ROR1: variants seen among roughly 807,000 people sequenced by gnomAD.
The protein encoded by ROR1 is inactive tyrosine-protein kinase transmembrane receptor ROR1.
Under a neutral mutation model 78.8 loss-of-function variants are expected in ROR1, and 19 were observed. That is an observed-to-expected ratio of 0.24 (90% CI 0.17 to 0.35). The LOEUF is 0.35. Among genes scored for constraint, ROR1 ranks in the 10% least tolerant of loss-of-function variants. ROR1 has a pLI of 1.00. For synonymous variants in ROR1, 386 were observed against 433.6 expected (o/e 0.89, Z 1.36); for missense variants, 917 against 1,177.8 (o/e 0.78, Z 3.24).
intron 4 of ROR1, among the ~76,000 whole-genome samples, chr1:64,096,147 T>C (rs938208539): frequency 6.6e-6 from 1 of 152,170 alleles, no homozygotes; most frequent in African/African-American, 2.4e-5. Flanking sequence ...TACCATCTGA[T>C]TTGGTTTCTG....
intron 1 of ROR1, among the ~76,000 whole-genome samples, chr1:63,911,305 G>A (rs945913302): frequency 2.0e-5 from 3 of 152,062 alleles, no homozygotes; most frequent in Admixed American, 1.3e-4. Context: ...TGTTGTTCTG[G>A]GCATTAGAAT....
intron 5 of ROR1, 56 bp from the exon 6 acceptor site, chr1:64,140,053 A>G (rs1649251040): frequency 6.6e-7 from 1 of 1,520,490 alleles, no homozygotes; most frequent in Non-Finnish European, 9.0e-7. Context: ...TTGACTAGAT[A>G]ACCAAAGAAG....
chr1:63,893,183 G>GCACAGTGT (rs1482923346), intron 1 of ROR1, among the ~76,000 whole-genome samples: 5 of 152,114 alleles, frequency 3.3e-5, no homozygotes, highest in African/African-American at 9.7e-5. Context: ...CATCTTCTGG[G>GCACAGTGT]CACAGTGTCA....
chr1:63,833,254 C>T (rs949354800), intron 1 of ROR1, among the ~76,000 whole-genome samples: 1 of 152,174 alleles, frequency 6.6e-6, no homozygotes, highest in Non-Finnish European at 1.5e-5. Flanking sequence ...TCCCTAGTTA[C>T]AATGTTTAGC....
At chr1:64,070,378 G>T (rs1210034091) in intron 4 of ROR1, among the ~76,000 whole-genome samples, 2 of 152,128 alleles carry the variant, frequency 1.3e-5, no homozygotes, top group African/African-American at 2.4e-5. Flanking sequence ...ACCTAGGCTG[G>T]AGTGCAGTGG....
intron 4 of ROR1, among the ~76,000 whole-genome samples, chr1:64,081,756 G>A (rs1287237877): frequency 1.2e-4 from 13 of 109,730 alleles, no homozygotes; most frequent in African/African-American, 3.6e-4. Flanking sequence ...AGGTGACAGC[G>A]CGAGACACTG....
intron 8 of ROR1, among the ~76,000 whole-genome samples, chr1:64,176,329 T>C (rs1242936806): frequency 6.6e-6 from 1 of 152,180 alleles, no homozygotes; most frequent in East Asian, 1.9e-4. Context: ...TTGATAATAA[T>C]AACAAAAAGT....
chr1:63,894,188 G>A (rs1263406007), intron 1 of ROR1, among the ~76,000 whole-genome samples: 1 of 152,100 alleles, frequency 6.6e-6, no homozygotes, highest in Non-Finnish European at 1.5e-5. Flanking sequence ...GCTGGACAAA[G>A]GGGTGACTCA....
At chr1:63,812,750 A>T (rs1187072983) in intron 1 of ROR1, among the ~76,000 whole-genome samples, 1 of 152,182 alleles carries the variant, frequency 6.6e-6, no homozygotes, top group African/African-American at 2.4e-5. Flanking sequence ...GAAGCTTTGT[A>T]TGTGTTGAGC....
intron 4 of ROR1, among the ~76,000 whole-genome samples, chr1:64,132,119 T>A (rs1648932105): frequency 6.6e-6 from 1 of 152,222 alleles, no homozygotes; most frequent in Admixed American, 6.5e-5. Flanking sequence ...AAGACTTACC[T>A]ATTTTAAATA....
chr1:64,117,847 T>C (rs1223903989), intron 4 of ROR1, among the ~76,000 whole-genome samples: 1 of 152,166 alleles, frequency 6.6e-6, no homozygotes, highest in Non-Finnish European at 1.5e-5. Flanking sequence ...GTCACAAACA[T>C]GATCACCATC....
intron 1 of ROR1, among the ~76,000 whole-genome samples, chr1:63,844,491 C>G (rs556356769): frequency 6.6e-6 from 1 of 152,028 alleles, no homozygotes; most frequent in African/African-American, 2.4e-5. Flanking sequence ...TTTTATTTAT[C>G]TTTGTGTTGC....
intron 4 of ROR1, among the ~76,000 whole-genome samples, chr1:64,086,002 G>T (rs1306641819): frequency 6.6e-6 from 1 of 152,180 alleles, no homozygotes; most frequent in Non-Finnish European, 1.5e-5. Flanking sequence ...CCTGGATGCC[G>T]TTATTAGTCT....
chr1:63,834,621 T>A (rs1244376196), intron 1 of ROR1, among the ~76,000 whole-genome samples: 1 of 152,206 alleles, frequency 6.6e-6, no homozygotes, highest in African/African-American at 2.4e-5. Context: ...TTAAAATGGA[T>A]TTTTCCAAAA....
At chr1:64,050,852 C>T (rs1018431470) in intron 4 of ROR1, 136 bp downstream of exon 4, 3 of 841,450 alleles carry the variant, frequency 3.6e-6, no homozygotes, top group Admixed American at 1.8e-5. Flanking sequence ...GCCCTCATTC[C>T]ATTTTGCTTG....
intron 1 of ROR1, among the ~76,000 whole-genome samples, chr1:63,933,708 A>G (rs1645772087): frequency 6.6e-6 from 1 of 152,320 alleles, no homozygotes; most frequent in East Asian, 1.9e-4. Flanking sequence ...GAGAGGTTCA[A>G]TGAGAAAACC....
intron 1 of ROR1, among the ~76,000 whole-genome samples, chr1:63,881,061 T>C (rs1348537718): frequency 6.6e-6 from 1 of 152,050 alleles, no homozygotes; most frequent in Admixed American, 6.6e-5. Flanking sequence ...ACCCTGTCCA[T>C]AGGCAGAGAT....
chr1:64,000,221 T>TA (rs1301524436), intron 1 of ROR1, among the ~76,000 whole-genome samples: 4 of 151,514 alleles, frequency 2.6e-5, no homozygotes, highest in African/African-American at 9.7e-5. Flanking sequence ...AAAAAAAGAG[T>TA]AAAGTTTGTT....
rs776286055 is a variant in ROR1, at chr1:64,178,790, G to A, written c.2749G>A (p.Ala917Thr). 2 of 1,614,086 alleles carry A rather than the reference G, an allele frequency of 1.2e-6. No individual in the cohort carries two copies. Among genetic ancestry groups the A allele is most frequent in the Admixed American group, 3.3e-5 (2 of 60,012 alleles). ...QKPYKIDSKQ[A>T]SLLGDANIHG... Reference sequence around the variant, plus strand: ...ACCCTACAAAATTGACTCAAAGCAAGCATCTTTACTAGGAGACGCCAATAT... The same window carrying A: ...ACCCTACAAAATTGACTCAAAGCAAACATCTTTACTAGGAGACGCCAATAT... Residue 917 changes from alanine to threonine, a missense_variant, in exon 9 of 9, where the codon GCA becomes ACA. By Grantham distance (58) the Ala-to-Thr change is moderately conservative (BLOSUM62 0). This residue lies in a region of ROR1 where 835 missense variants were observed against 1,069.8 expected (regional missense o/e 0.78). Transcript: ENST00000371079. The surrounding 1 kb of genome is among the most constrained non-coding windows in gnomAD (Gnocchi z 4.3).
Sources: allele counts gnomAD v4.1 joint callset (sites outside exome capture counted in the v4.1 genomes callset), GRCh38; gene constraint gnomAD v4.1.1; regional missense constraint gnomAD v4.1.1; non-coding constraint Gnocchi (gnomAD v3.1); transcripts MANE v1.5; gene names NCBI Gene and HGNC (gene_info 2026-07-23, HGNC 2026-07-21).